The following CDK14 variants were observed in gnomAD, a reference collection of about 807,000 sequenced individuals.
CDK14 encodes the protein cyclin dependent kinase 14.
CDK14 carries 34 observed loss-of-function variants against 60.7 expected under a neutral mutation model. The observed-to-expected ratio is 0.56, with a 90% CI of 0.43 to 0.75. CDK14 has a LOEUF of 0.75. Among genes scored for constraint, CDK14 ranks in the 30% least tolerant of loss-of-function variants. The pLI, the probability that CDK14 is intolerant of heterozygous loss-of-function variation, is 0.00. For missense variants in CDK14, 482 were observed against 564.1 expected (o/e 0.85, Z 1.47); for synonymous variants, 197 against 203.7 (o/e 0.97, Z 0.28).
intron 5 of CDK14, among the ~76,000 whole-genome samples, chr7:90,828,329 A>T (rs900532132): frequency 5.3e-5 from 8 of 152,212 alleles, no homozygotes; most frequent in African/African-American, 1.9e-4. Flanking sequence ...CCATTGACAG[A>T]TGCTTGACAC....
chr7:90,706,662 C>A (rs1801902780), intron 2 of CDK14, among the ~76,000 whole-genome samples: 1 of 152,132 alleles, frequency 6.6e-6, no homozygotes, highest in African/African-American at 2.4e-5. Flanking sequence ...GTAATGGGAA[C>A]AAGTCAGCCA....
At chr7:90,738,545 C>G (rs1487813654) in intron 3 of CDK14, among the ~76,000 whole-genome samples, 1 of 152,168 alleles carries the variant, frequency 6.6e-6, no homozygotes, top group African/African-American at 2.4e-5. Context: ...TACTTTTATT[C>G]AGTTTTTTAA....
In CDK14 at chr7:91,181,325, C is replaced by A. The variant is rs1379477101; in HGVS notation, c.*29-25840C>A. Among the ~76,000 whole-genome samples, 5 of 152,046 alleles carry A rather than the reference C, an allele frequency of 3.3e-5. No individual in the cohort carries two copies. In the East Asian group the frequency reaches 7.7e-4, roughly 23 times the overall value. ...ACAGTCAGTTTTGCTGATTGCATTC[C>A]TGTGGTGTCCTTTAACATGTTCCTC... On this transcript the variant is annotated intron_variant, in intron 14 of 14. Transcript: ENST00000380050.
chr7:90,875,528 C>CTT (rs369561897), intron 6 of CDK14, among the ~76,000 whole-genome samples: 60 of 147,186 alleles, frequency 4.1e-4, no homozygotes, highest in African/African-American at 1.4e-3. Context: ...TATTTTCTGC[C>CTT]TTTTTTTTTT....
intron 2 of CDK14, among the ~76,000 whole-genome samples, chr7:90,609,819 T>C (rs1409317551): frequency 6.6e-6 from 1 of 152,246 alleles, no homozygotes; most frequent in African/African-American, 2.4e-5. Flanking sequence ...TTATTGAGCA[T>C]GGTGGAAGCT....
At chr7:91,038,741 AT>A (rs1562878498) in intron 10 of CDK14, among the ~76,000 whole-genome samples, 1 of 152,178 alleles carries the variant, frequency 6.6e-6, no homozygotes, top group Non-Finnish European at 1.5e-5. Context: ...AGGTGATGGA[AT>A]TATGGGGGTG....
At chr7:90,725,495 G>A (rs893251329) in intron 2 of CDK14, among the ~76,000 whole-genome samples, 3 of 152,038 alleles carry the variant, frequency 2.0e-5, no homozygotes, top group East Asian at 1.9e-4. Flanking sequence ...AACCAACCAC[G>A]GACCCAAAGT....
chr7:90,911,401 G>A (rs1214781959), intron 7 of CDK14, among the ~76,000 whole-genome samples: 2 of 152,158 alleles, frequency 1.3e-5, no homozygotes, highest in African/African-American at 4.8e-5. Context: ...TGACAAAAGA[G>A]TAGCATAATT....
chr7:90,872,602 G>T (rs930562265), intron 6 of CDK14, among the ~76,000 whole-genome samples: 3 of 152,010 alleles, frequency 2.0e-5, no homozygotes, highest in Non-Finnish European at 4.4e-5. Flanking sequence ...AGGAATGATG[G>T]TTACCTTTAG....
chr7:90,747,171 G>T (rs562001201), intron 3 of CDK14, among the ~76,000 whole-genome samples: 1 of 152,222 alleles, frequency 6.6e-6, no homozygotes, highest in Admixed American at 6.5e-5. Context: ...TTCTTGTTTT[G>T]CTTTGCTTCC....
intron 2 of CDK14, among the ~76,000 whole-genome samples, chr7:90,646,025 T>A (rs1194595422): frequency 6.6e-6 from 1 of 152,190 alleles, no homozygotes; most frequent in Non-Finnish European, 1.5e-5. Flanking sequence ...AGCAGCCAGC[T>A]TTTTGACAGC....
At chr7:90,797,053 G>A (rs6465289) in intron 5 of CDK14, among the ~76,000 whole-genome samples, 135,187 of 151,638 alleles carry the variant, frequency 0.89, 60,410 homozygotes, top group East Asian at 1. Flanking sequence ...GACATACACA[G>A]ATCAGTAGGT....
intron 4 of CDK14, among the ~76,000 whole-genome samples, chr7:90,749,094 G>C (rs188008488): frequency 3.2e-4 from 48 of 152,284 alleles, no homozygotes; most frequent in African/African-American, 1.1e-3. Flanking sequence ...AGAAAGATAT[G>C]TAAGGCAAAA....
intron 9 of CDK14, among the ~76,000 whole-genome samples, chr7:90,963,614 T>C (rs922173702): frequency 3.8e-4 from 58 of 151,194 alleles, no homozygotes; most frequent in Non-Finnish European, 8.1e-4. Flanking sequence ...GAAACAGGCA[T>C]TGCAGTGGGA....
intron 14 of CDK14, among the ~76,000 whole-genome samples, chr7:91,134,694 T>C (rs1383881008): frequency 6.6e-6 from 1 of 152,028 alleles, no homozygotes; most frequent in Non-Finnish European, 1.5e-5. Context: ...GCCAACATGG[T>C]GAAACCCTGT....
intron 2 of CDK14, among the ~76,000 whole-genome samples, chr7:90,633,973 A>T (rs967131034): frequency 2.6e-5 from 4 of 152,148 alleles, no homozygotes; most frequent in African/African-American, 9.7e-5. Context: ...TTAATTGAAT[A>T]CGTGTCTTTT....
intron 8 of CDK14, among the ~76,000 whole-genome samples, chr7:90,924,731 C>T (rs1021115466): frequency 6.6e-6 from 1 of 151,840 alleles, no homozygotes; most frequent in African/African-American, 2.4e-5. Context: ...GATTTTAAAC[C>T]TTTGTTTCTC....
intron 14 of CDK14, among the ~76,000 whole-genome samples, chr7:91,191,195 CA>C (rs903918429): frequency 8.5e-5 from 13 of 152,110 alleles, no homozygotes; most frequent in African/African-American, 3.1e-4. Flanking sequence ...GGACTTTCTA[CA>C]GCTCCTGGTG....
At chr7:90,931,974 T>C (rs762763384) in intron 8 of CDK14, among the ~76,000 whole-genome samples, 2 of 152,230 alleles carry the variant, frequency 1.3e-5, no homozygotes, top group Admixed American at 6.5e-5. Context: ...TATATTTTTG[T>C]TGACAATTTA....
Sources: allele counts gnomAD v4.1 joint callset (sites outside exome capture counted in the v4.1 genomes callset), GRCh38; gene constraint gnomAD v4.1.1; transcripts MANE v1.5; gene names NCBI Gene and HGNC (gene_info 2026-07-23, HGNC 2026-07-21).